GPR158: variants seen among roughly 807,000 people sequenced by gnomAD.
The protein encoded by GPR158 is G protein-coupled receptor 158.
A neutral mutation model predicts 78.2 loss-of-function variants in GPR158; 30 were observed. The observed-to-expected ratio is 0.38, with a 90% CI of 0.29 to 0.52. GPR158 has a LOEUF of 0.52. Ranked by LOEUF, GPR158 falls within the 20% of genes least tolerant of loss-of-function variation. The pLI is 0.83. For missense variants in GPR158, 1,463 were observed against 1,523.5 expected, an observed-to-expected ratio of 0.96 and a Z score of 0.66; for synonymous variants, 581 against 591.1, an observed-to-expected ratio of 0.98 and a Z score of 0.25.
At chr10:25,516,393 T>C (rs1294331568) in intron 5 of GPR158, among the ~76,000 whole-genome samples, 2 of 152,152 alleles carry the variant, frequency 1.3e-5, no homozygotes, top group East Asian at 3.9e-4. Flanking sequence ...CATTTGTCAA[T>C]TTTGGCTTTT....
chr10:25,241,873 T>C (rs1024385132), intron 2 of GPR158, among the ~76,000 whole-genome samples: 1 of 152,218 alleles, frequency 6.6e-6, no homozygotes, highest in Non-Finnish European at 1.5e-5. Context: ...CTGGACACTT[T>C]AAACACACTT....
chr10:25,522,282 C>A (rs1836287711), intron 5 of GPR158, among the ~76,000 whole-genome samples: 1 of 152,206 alleles, frequency 6.6e-6, no homozygotes, highest in Non-Finnish European at 1.5e-5. Context: ...TTCCTGTTAA[C>A]CCCGTTACCC....
chr10:25,574,282 G>T (rs1186163388), intron 7 of GPR158, among the ~76,000 whole-genome samples: 5 of 149,944 alleles, frequency 3.3e-5, no homozygotes, highest in African/African-American at 9.8e-5. Flanking sequence ...AATTTATTTT[G>T]CATTCCAAAG....
intron 5 of GPR158, among the ~76,000 whole-genome samples, chr10:25,479,519 A>T (rs1019546544): frequency 2.0e-5 from 3 of 151,982 alleles, no homozygotes; most frequent in Non-Finnish European, 4.4e-5. Context: ...GGTTCCAACA[A>T]TTCTCCTGCC....
chr10:25,371,154 C>T (rs10764532), intron 2 of GPR158, among the ~76,000 whole-genome samples: 116,102 of 145,308 alleles, frequency 0.8, 47,394 homozygotes, highest in Non-Finnish European at 0.86. Context: ...AATTGGAGCA[C>T]TTAGTCCATT....
In GPR158 at chr10:25,597,988, A is replaced by T. The variant is rs766096169; in HGVS notation, c.2362A>T (p.Ile788Phe). 1.2e-6 allele frequency: 2 copies of T among 1,614,136 alleles called. No homozygotes were observed. The highest frequency in any genetic ancestry group is 1.7e-6 in the Non-Finnish European group (2 of 1,179,998). Residue 788 changes from isoleucine to phenylalanine, a missense_variant, in exon 11 of 11, where the codon ATC (isoleucine) becomes TTC (phenylalanine). Transcript: ENST00000376351. ...TGGCACAGCCAAAGGCACTGCCCTC[A>T]TCAGGAAGAACCCCCCAGAGTCTTC... ...DHGTAKGTAL[I>F]RKNPPESSGN... is the part of the protein sequence containing the mutation.
At chr10:25,317,192 G>GCAT (rs1854867546) in intron 2 of GPR158, among the ~76,000 whole-genome samples, 2 of 151,586 alleles carry the variant, frequency 1.3e-5, no homozygotes, top group Admixed American at 1.3e-4. Flanking sequence ...TTACAGGCAG[G>GCAT]CATCACCACA....
chr10:25,210,346 C>T (rs1170961523), intron 1 of GPR158, among the ~76,000 whole-genome samples: 1 of 152,164 alleles, frequency 6.6e-6, no homozygotes, highest in African/African-American at 2.4e-5. Flanking sequence ...TTCTATGCCC[C>T]TTTGTGAATG....
At chr10:25,219,937 C>T (rs545350449) in intron 1 of GPR158, among the ~76,000 whole-genome samples, 6 of 151,908 alleles carry the variant, frequency 3.9e-5, no homozygotes, top group Non-Finnish European at 8.8e-5. Flanking sequence ...TGGTTTTTGT[C>T]GGTTTTATAC....
intron 5 of GPR158, among the ~76,000 whole-genome samples, chr10:25,479,616 T>C (rs1224071702): frequency 6.6e-6 from 1 of 152,050 alleles, no homozygotes; most frequent in Non-Finnish European, 1.5e-5. Context: ...GGTTTCACCA[T>C]GTTGGCCAGG....
At chr10:25,478,934 A>G (rs934825454) in intron 5 of GPR158, among the ~76,000 whole-genome samples, 28 of 151,896 alleles carry the variant, frequency 1.8e-4, no homozygotes, top group Non-Finnish European at 2.6e-4. Context: ...GCTGAGAATG[A>G]TGATTTCCAG....
chr10:25,572,919 T>TA (rs1837031213), intron 7 of GPR158, 32 bp downstream of exon 7: 2 of 1,258,272 alleles, frequency 1.6e-6, no homozygotes, highest in Non-Finnish European at 2.3e-6. Flanking sequence ...ATGATGGTCT[T>TA]ACCATTTTTC....
chr10:25,485,543 G>A (rs1173381488), intron 5 of GPR158, among the ~76,000 whole-genome samples: 3 of 152,028 alleles, frequency 2.0e-5, no homozygotes, highest in East Asian at 1.9e-4. Flanking sequence ...TATCAGAAAA[G>A]TGTCTCAATT....
intron 2 of GPR158, among the ~76,000 whole-genome samples, chr10:25,367,426 C>T (rs1171101509): frequency 1.3e-5 from 2 of 151,644 alleles, no homozygotes; most frequent in Admixed American, 6.6e-5. Flanking sequence ...CAATAAGCCC[C>T]CCAGTTTTCC....
At position 25,211,155 on chromosome 10, in the gene GPR158, A is replaced by C. The variant is rs1221773944; in HGVS notation, c.903-9897A>C. 3.3e-5 allele frequency among the ~76,000 whole-genome samples: 5 copies of C among 151,468 alleles called. No homozygotes were observed. In the East Asian group the frequency reaches 9.7e-4, roughly 30 times the overall value. ...CAAGAAAAAAGAAAAAAAAAAAAAC[A>C]GAATTTTAAAAAATTTCTGATGTTT... On this transcript the variant is annotated intron_variant, in intron 1 of 10. Transcript: ENST00000376351.
intron 2 of GPR158, among the ~76,000 whole-genome samples, chr10:25,235,590 G>T (rs1223290758): frequency 2.7e-5 from 4 of 147,570 alleles, no homozygotes; most frequent in African/African-American, 1.0e-4. Context: ...AAAAGTGCTT[G>T]TTTTTGATTC....
intron 2 of GPR158, among the ~76,000 whole-genome samples, chr10:25,373,063 C>T (rs866298563): frequency 6.6e-5 from 10 of 151,874 alleles, no homozygotes; most frequent in Non-Finnish European, 1.3e-4. Context: ...TGCCCATCAA[C>T]GGCAGATTGG....
At chr10:25,591,724 T>C (rs1364071064) in intron 8 of GPR158, among the ~76,000 whole-genome samples, 1 of 152,146 alleles carries the variant, frequency 6.6e-6, no homozygotes, top group Non-Finnish European at 1.5e-5. Flanking sequence ...CCCTATGTTT[T>C]AAATTCCAAA....
intron 6 of GPR158, among the ~76,000 whole-genome samples, chr10:25,563,931 T>TA (rs966047458): frequency 2.6e-5 from 4 of 152,272 alleles, no homozygotes; most frequent in African/African-American, 9.6e-5. Flanking sequence ...ATGGACCCTA[T>TA]AATCTTGTTT....
Sources: allele counts gnomAD v4.1 joint callset (sites outside exome capture counted in the v4.1 genomes callset), GRCh38; gene constraint gnomAD v4.1.1; transcripts MANE v1.5; gene names NCBI Gene and HGNC (gene_info 2026-07-23, HGNC 2026-07-21).